Variants in CTNNA2 observed in about 807,000 individuals in gnomAD.
The protein encoded by CTNNA2 is catenin alpha 2.
A neutral mutation model predicts 101.0 loss-of-function variants in CTNNA2; 42 were observed. The ratio of observed to expected loss-of-function variants is 0.42; its 90% CI spans 0.32 to 0.54. The LOEUF (loss-of-function observed/expected upper bound fraction) is 0.54. CTNNA2 is among the 20% of genes least tolerant of loss of function. The probability of loss-of-function intolerance (pLI) is 0.14; values close to 1 mark genes in which losing one functional copy is unlikely to be tolerated. For missense variants in CTNNA2, 871 were observed against 1,223.1 expected (o/e 0.71, Z 4.29); for synonymous variants, 450 against 456.4 (o/e 0.99, Z 0.18).
At chr2:79,834,183 A>G (rs1305242142) in intron 3 of CTNNA2, among the ~76,000 whole-genome samples, 1 of 152,070 alleles carries the variant, frequency 6.6e-6, no homozygotes, top group African/African-American at 2.4e-5. Context: ...TTAACCTGAA[A>G]CTTGCTTTCC....
intron 7 of CTNNA2, among the ~76,000 whole-genome samples, chr2:80,319,021 G>T (rs2149242962): frequency 6.6e-6 from 1 of 152,190 alleles, no homozygotes; most frequent in South Asian, 2.1e-4. Flanking sequence ...TGCTTTAGAA[G>T]GTATTATCAA....
At chr2:79,950,343 T>G (rs544252925) in intron 7 of CTNNA2, among the ~76,000 whole-genome samples, 2 of 152,358 alleles carry the variant, frequency 1.3e-5, no homozygotes, top group African/African-American at 2.4e-5. Context: ...TTCTTTACAA[T>G]TATGGCCTAA....
intron 7 of CTNNA2, among the ~76,000 whole-genome samples, chr2:80,228,898 A>G (rs112977947): frequency 6.6e-6 from 1 of 152,184 alleles, no homozygotes; most frequent in Non-Finnish European, 1.5e-5. Flanking sequence ...TGTAACAGCA[A>G]ACATAAACCC....
chr2:80,036,132 C>G (rs1374995322), intron 7 of CTNNA2, among the ~76,000 whole-genome samples: 1 of 152,132 alleles, frequency 6.6e-6, no homozygotes, highest in African/African-American at 2.4e-5. Flanking sequence ...TGGATAGAAG[C>G]AGTGCGATAA....
At chr2:79,500,623 G>A (rs1671309138) in intron 4 of CTNNA2, 1 of 152,180 alleles carries the variant, frequency 6.6e-6, no homozygotes, top group Admixed American at 6.5e-5. Flanking sequence ...TATACAAAAT[G>A]CATTCCTTAG....
chr2:79,749,270 G>A (rs2105017736), intron 3 of CTNNA2, among the ~76,000 whole-genome samples: 1 of 152,174 alleles, frequency 6.6e-6, no homozygotes, highest in East Asian at 1.9e-4. Context: ...TCTGCCGTAT[G>A]GGGTCATTCT....
intron 4 of CTNNA2, among the ~76,000 whole-genome samples, chr2:79,420,719 C>T (rs531163550): frequency 7.2e-5 from 11 of 152,160 alleles, no homozygotes; most frequent in Admixed American, 7.2e-4. Flanking sequence ...AAGTAAAGCC[C>T]TTGGTCTTTA....
At chr2:80,620,991 C>T (rs1021466635) in intron 18 of CTNNA2, among the ~76,000 whole-genome samples, 4 of 151,844 alleles carry the variant, frequency 2.6e-5, no homozygotes, top group African/African-American at 7.2e-5. Context: ...AAATTCATTT[C>T]GTATGTATTA....
intron 7 of CTNNA2, among the ~76,000 whole-genome samples, chr2:79,998,747 A>G (rs149290627): frequency 1.1e-3 from 169 of 152,334 alleles, no homozygotes; most frequent in Non-Finnish European, 6.5e-4. Context: ...AAAAGTATAT[A>G]TTAAAATTCA....
At chr2:80,030,464 TAAC>T (rs909287997) in intron 7 of CTNNA2, 2 of 152,168 alleles carry the variant, frequency 1.3e-5, no homozygotes, top group African/African-American at 4.8e-5. Flanking sequence ...AGATTTTCAG[TAAC>T]AACAAGAGCT....
At chr2:80,367,214 A>G (rs138219988) in intron 7 of CTNNA2, among the ~76,000 whole-genome samples, 61 of 152,246 alleles carry the variant, frequency 4.0e-4, no homozygotes, top group African/African-American at 1.3e-3. Flanking sequence ...AAAACAAAAT[A>G]CTTCATTATC....
intron 4 of CTNNA2, among the ~76,000 whole-genome samples, chr2:79,417,040 T>G (rs1030779045): frequency 5.9e-5 from 9 of 152,128 alleles, no homozygotes; most frequent in African/African-American, 2.2e-4. Flanking sequence ...TTTCTGCACA[T>G]ATTCTCTATC....
rs912557163 is a variant in CTNNA2 at position 79,872,809 on chromosome 2, G to C, written c.586-1267G>C. On this transcript the variant is annotated intron_variant, in intron 5 of 18. Coordinates refer to ENST00000402739, the MANE Select transcript of CTNNA2 (RefSeq NM_001282597.3). The stretch of plus-strand genomic sequence containing the variant: ...ATGAGCAAATAGGAAGAGAAGCCCA[G>C]TGGTTCAAATACGCTTTACTGATGT... 5.3e-5 allele frequency among the ~76,000 whole-genome samples: 8 copies of C among 152,166 alleles called. No individual in the cohort carries two copies. In the East Asian group the frequency reaches 1.5e-3, roughly 29 times the overall value.
At chr2:80,313,887 G>A (rs1677846918) in intron 7 of CTNNA2, among the ~76,000 whole-genome samples, 1 of 152,202 alleles carries the variant, frequency 6.6e-6, no homozygotes. Flanking sequence ...AATGGGCAGG[G>A]CAGCAGGTGC....
chr2:80,192,305 AGTT>A lies in CTNNA2; in HGVS notation c.1057-200902_1057-200900del, dbSNP rs1450513131. Among the ~76,000 whole-genome samples the A allele has an allele frequency of 2.6e-5, 4 of 152,300 alleles. No homozygotes were observed. The East Asian group carries it at 5.8e-4, about 22-fold the overall frequency. On this transcript the variant is annotated intron_variant, in intron 7 of 18. Coordinates refer to ENST00000402739, the MANE Select transcript of CTNNA2 (RefSeq NM_001282597.3). ...CTAGGACACCTTTCTTCTAATTCAA[AGTT>A]GTTTTCACTCTATCGCAAGCCTTAC...
At chr2:79,446,501 C>A (rs1678834803) in intron 4 of CTNNA2, among the ~76,000 whole-genome samples, 1 of 152,094 alleles carries the variant, frequency 6.6e-6, no homozygotes, top group Admixed American at 6.6e-5. Flanking sequence ...AAGTACAAAT[C>A]TCTTCTTGCA....
chr2:80,208,892 T>A (rs1426890651), intron 7 of CTNNA2, among the ~76,000 whole-genome samples: 4 of 152,196 alleles, frequency 2.6e-5, no homozygotes, highest in Admixed American at 2.0e-4. Flanking sequence ...GCATTTACAC[T>A]GGCCACCTCT....
intron 7 of CTNNA2, among the ~76,000 whole-genome samples, chr2:80,350,992 A>G (rs1007388854): frequency 6.6e-6 from 1 of 152,214 alleles, no homozygotes; most frequent in Non-Finnish European, 1.5e-5. Flanking sequence ...AGATGACCTA[A>G]AGCCTGAACT....
chr2:80,378,460 C>T (rs1226160306), intron 7 of CTNNA2, among the ~76,000 whole-genome samples: 1 of 151,898 alleles, frequency 6.6e-6, no homozygotes, highest in Non-Finnish European at 1.5e-5. Context: ...CACACACACA[C>T]ACACACACAC....
Sources: allele counts gnomAD v4.1 joint callset (sites outside exome capture counted in the v4.1 genomes callset), GRCh38; gene constraint gnomAD v4.1.1; transcripts MANE v1.5; gene names NCBI Gene and HGNC (gene_info 2026-07-23, HGNC 2026-07-21).